CTSE: variants seen among roughly 807,000 people sequenced by gnomAD.
The protein encoded by CTSE is cathepsin E, also known as erythrocyte membrane aspartic proteinase.
In CTSE, 43 loss-of-function variants were observed where a neutral mutation model predicts 42.8. The observed-to-expected ratio is 1.01, with a 90% CI of 0.79 to 1.30. The LOEUF is 1.30. CTSE is among the 50% of genes most tolerant of loss of function. CTSE has a pLI of 0.00. For missense variants in CTSE, 532 were observed against 493.5 expected, an observed-to-expected ratio of 1.08 and a Z score of -0.74; for synonymous variants, 205 against 191.5, an observed-to-expected ratio of 1.07 and a Z score of -0.58.
chr1:206,010,220 C>T lies in CTSE; in HGVS notation c.1154G>A (p.Gly385Glu). Residue 385 changes from glycine to glutamate, a missense_variant, in exon 9 of 9, where the codon GGG becomes GAG. Gly to Glu is a moderately conservative substitution (Grantham distance 98, BLOSUM62 -2). Coordinates refer to ENST00000358184, the MANE Select transcript of CTSE (RefSeq NM_001910.4). ...TGGGGCCAGTCCCACACGGTTATTC[C>T]CACGGTCAAAGACTGAGTAAAACTG... ...IRQFYSVFDR[G>E]NNRVGLAPAV... 1.2e-6 allele frequency: 2 copies of T among 1,613,798 alleles called. No homozygotes were observed. Among genetic ancestry groups the T allele is most frequent in the Non-Finnish European group, 1.7e-6 (2 of 1,179,834 alleles).
rs782448897 is a variant in CTSE at position 206,021,140 on chromosome 1, T to G, written c.371A>C (p.Gln124Pro). ...ACCTGGCTGGCTGTATGTGCTGGAC[T>G]GGGAAGGCTGGAACCTGCTGTGCGT... is the stretch of plus-strand genomic sequence containing the variant. Reference protein sequence around the residue: ...CKTHSRFQPSQSSTYSQPGQS... With the variant: ...CKTHSRFQPSPSSTYSQPGQS... Residue 124 changes from glutamine to proline, a missense_variant, in exon 4 of 9, where the codon CAG becomes CCG. Coordinates refer to ENST00000358184, the MANE Select transcript of CTSE (RefSeq NM_001910.4). The G allele has an allele frequency of 3.1e-6, 5 of 1,613,524 alleles. No individual in the cohort carries two copies. The highest frequency in any genetic ancestry group is 3.4e-6 in the Non-Finnish European group (4 of 1,179,480).
At chr1:206,011,332 G>A (rs1183878908) in intron 8 of CTSE, among the ~76,000 whole-genome samples, 1 of 151,954 alleles carries the variant, frequency 6.6e-6, no homozygotes, top group East Asian at 1.9e-4. Flanking sequence ...CCAGCGCCTG[G>A]AGCACATCAG....
chr1:206,023,459 G>A (rs782704803), intron 1 of CTSE, among the ~76,000 whole-genome samples: 2 of 151,976 alleles, frequency 1.3e-5, no homozygotes, highest in Non-Finnish European at 1.5e-5. Context: ...CACAACTGCA[G>A]GTTCCTGCTC....
intron 6 of CTSE, 67 bp downstream of exon 6, chr1:206,013,705 T>A (rs1661182456): frequency 6.4e-7 from 1 of 1,562,106 alleles, no homozygotes; most frequent in Non-Finnish European, 8.7e-7. Flanking sequence ...TTCAGTTAAA[T>A]CGGTTTGAGT....
chr1:206,017,641 C>T (rs989950332), intron 4 of CTSE, among the ~76,000 whole-genome samples: 3 of 151,978 alleles, frequency 2.0e-5, no homozygotes, highest in Non-Finnish European at 2.9e-5. Flanking sequence ...AGGCGTGTGC[C>T]ACCACGCCTG....
chr1:206,019,341 G>A (rs1435761977), intron 4 of CTSE, among the ~76,000 whole-genome samples: 1 of 152,052 alleles, frequency 6.6e-6, no homozygotes, highest in Non-Finnish European at 1.5e-5. Context: ...GAACCCATGA[G>A]GGTGAGGGTG....
rs962271053 is a variant in CTSE at position 206,012,726 on chromosome 1, C to G, written c.786-77G>C. The G allele has an allele frequency of 4.6e-6, 7 of 1,517,928 alleles. No individual in the cohort carries two copies. In the Admixed American group the frequency reaches 1.0e-4, roughly 23 times the overall value. The allele number at this position is 1,517,928 out of a possible 1,614,324, so 94.0% of individuals were successfully genotyped here. A position where few individuals can be genotyped will look rare whatever the true frequency, so the allele number is the denominator to read the frequency against. The stretch of plus-strand genomic sequence containing the variant: ...AAACTCCCACTCTTTTTTGGCCTCT[C>G]AAATGCCTGGAGCACATCAATGATT... On this transcript the variant is annotated intron_variant, in intron 6 of 8. Coordinates refer to ENST00000358184, the MANE Select transcript of CTSE (RefSeq NM_001910.4).
In CTSE at chr1:206,009,853, T is replaced by C. The variant is rs186791576; in HGVS notation, c.*330A>G. The C allele has an allele frequency of 6.0e-6, 2 of 335,080 alleles. No homozygotes were observed. The highest frequency in any genetic ancestry group is 6.7e-5 in the East Asian group (1 of 14,836). The allele number at this position is 335,080 out of a possible 1,614,324, so 20.8% of individuals were successfully genotyped here. ...AGTTGCAAAGGGATTTATTATACCA[T>C]GATCTCTGCTTGTGCATATGTTTGG... On this transcript the variant is annotated 3_prime_UTR_variant, in exon 9 of 9. Coordinates refer to ENST00000358184, the MANE Select transcript of CTSE (RefSeq NM_001910.4).
At chr1:206,013,050 T>A (rs55693327) in intron 6 of CTSE, among the ~76,000 whole-genome samples, 31,837 of 151,886 alleles carry the variant, frequency 0.21, 3,816 homozygotes, top group African/African-American at 0.3. Context: ...TTCCTACAGT[T>A]TGAAAAACTC....
At chr1:206,013,973 C>T in intron 5 of CTSE, 79 bp from the exon 6 acceptor site, 1 of 1,507,876 alleles carries the variant, frequency 6.6e-7, no homozygotes, top group Admixed American at 1.8e-5. Flanking sequence ...GGACCCTTTG[C>T]TTCTTGGTCT....
At chr1:206,014,103 C>A (rs892055629) in intron 5 of CTSE, 33 of 563,306 alleles carry the variant, frequency 5.9e-5, no homozygotes, top group Non-Finnish European at 9.5e-5. Flanking sequence ...CTCCCCTTGA[C>A]CATTTGTGAA....
chr1:206,010,973 C>T (rs1201553602), intron 8 of CTSE, among the ~76,000 whole-genome samples: 4 of 151,956 alleles, frequency 2.6e-5, no homozygotes, highest in African/African-American at 9.7e-5. Flanking sequence ...TGTGAAGTTG[C>T]TGATGAGGGT....
intron 6 of CTSE, 133 bp downstream of exon 6, chr1:206,013,639 T>G (rs889555413): frequency 1.9e-5 from 22 of 1,163,950 alleles, no homozygotes; most frequent in Non-Finnish European, 2.3e-5. Flanking sequence ...GCTCAGCACC[T>G]CCATACCTCC....
intron 8 of CTSE, among the ~76,000 whole-genome samples, chr1:206,011,076 G>C (rs1553276866): frequency 6.6e-6 from 1 of 151,974 alleles, no homozygotes; most frequent in African/African-American, 2.4e-5. Context: ...GATCAAGGTG[G>C]CTCTGATTGA....
At chr1:206,012,154 C>G (rs945735203) in intron 8 of CTSE, among the ~76,000 whole-genome samples, 154 bp downstream of exon 8, 1 of 152,160 alleles carries the variant, frequency 6.6e-6, no homozygotes, top group Non-Finnish European at 1.5e-5. Flanking sequence ...CCACAGGCAG[C>G]TGTGTCCCTC....
chr1:206,018,250 T>G (rs1661315644), intron 4 of CTSE, among the ~76,000 whole-genome samples: 1 of 152,130 alleles, frequency 6.6e-6, no homozygotes, highest in Admixed American at 6.5e-5. Context: ...TTTATTCTGT[T>G]AAATGATAAA....
At position 206,010,027 on chromosome 1, in the gene CTSE, G is replaced by A. The variant is rs1326726867; in HGVS notation, c.*156C>T. ...TGTGTGTGTGTATATGTGTGTGTGT[G>A]TGTGTATTCTCATGTTCTGTTTGGT... On this transcript the variant is annotated 3_prime_UTR_variant, in exon 9 of 9. Transcript: ENST00000358184. 2 of 711,128 alleles carry A rather than the reference G, an allele frequency of 2.8e-6. No individual in the cohort carries two copies. Among genetic ancestry groups the A allele is most frequent in the Non-Finnish European group, 4.9e-6 (2 of 407,888 alleles). The allele number at this position is 711,128 out of a possible 1,614,324, so 44.1% of individuals were successfully genotyped here. A position where few individuals can be genotyped will look rare whatever the true frequency, so the allele number is the denominator to read the frequency against.
rs1661015777 is a variant in CTSE, at chr1:206,009,292, T to TCCA, written c.*890_*891insTGG. 3 of 152,022 alleles carry TCCA rather than the reference T, an allele frequency of 2.0e-5. No homozygotes were observed. The highest frequency in any genetic ancestry group is 1.3e-4 in the Admixed American group (2 of 15,248). 9.4% of individuals were successfully genotyped at this position (152,022 alleles called of 1,614,324 possible). On this transcript the variant is annotated 3_prime_UTR_variant, in exon 9 of 9. Transcript: ENST00000358184. ...AATGCTGAACTTTGTAATGAATGATTAAAGCCAAGAACTCCAAACCCACCC... is the reference window on the plus strand; with the variant it reads ...AATGCTGAACTTTGTAATGAATGATTCCAAAAGCCAAGAACTCCAAACCCACCC...
chr1:206,021,220 C>G, intron 3 of CTSE, 53 bp from the exon 4 acceptor site: 1 of 1,407,828 alleles, frequency 7.1e-7, no homozygotes, highest in South Asian at 1.2e-5. Flanking sequence ...TGGCTGCATC[C>G]CTGCCCTAAT....
Sources: allele counts gnomAD v4.1 joint callset (sites outside exome capture counted in the v4.1 genomes callset), GRCh38; gene constraint gnomAD v4.1.1; transcripts MANE v1.5; gene names NCBI Gene and HGNC (gene_info 2026-07-23, HGNC 2026-07-21).